AKAP7: variants seen among roughly 807,000 people sequenced by gnomAD.
The protein encoded by AKAP7 is A-kinase anchoring protein 7, also known as A kinase (PRKA) anchor protein 7.
In AKAP7, 39 loss-of-function variants were observed where a neutral mutation model predicts 39.5. The observed-to-expected ratio is 0.99, with a 90% CI of 0.76 to 1.29. The LOEUF is 1.29. Among genes scored for constraint, AKAP7 ranks in the 50% most tolerant of loss-of-function variants. The pLI, the probability that AKAP7 is intolerant of heterozygous loss-of-function variation, is 0.00. For missense variants in AKAP7, 414 were observed against 407.7 expected (o/e 1.02, Z -0.13); for synonymous variants, 140 against 139.1 (o/e 1.01, Z -0.05).
At chr6:131,183,539 GC>G (rs1438631727) in intron 5 of AKAP7, among the ~76,000 whole-genome samples, 1 of 152,102 alleles carries the variant, frequency 6.6e-6, no homozygotes, top group Non-Finnish European at 1.5e-5. Flanking sequence ...TGCTGGCCTG[GC>G]CCCCTGATCC....
chr6:131,211,333 T>C (rs145225709), intron 6 of AKAP7, among the ~76,000 whole-genome samples: 1 of 152,208 alleles, frequency 6.6e-6, no homozygotes, highest in Non-Finnish European at 1.5e-5. Flanking sequence ...TTGGAAAATA[T>C]TCTTTCTTAA....
chr6:131,219,811 G>A lies in AKAP7; in HGVS notation c.850+3G>A. The A allele has an allele frequency of 2.0e-6, 3 of 1,493,508 alleles. No individual in the cohort carries two copies. The highest frequency in any genetic ancestry group is 1.4e-5 in the African/African-American group (1 of 69,270). The allele number at this position is 1,493,508 out of a possible 1,614,324, so 92.5% of individuals were successfully genotyped here. On this transcript the variant is annotated splice_donor_region_variant and intron_variant, in intron 7 of 7. Coordinates refer to ENST00000431975, the MANE Select transcript of AKAP7 (RefSeq NM_016377.4). ...CTGTGAATCTTCCATTGTGATTGGT[G>A]AGTGTCATTTAAAAATTATTTATTA... is the stretch of plus-strand genomic sequence containing the variant.
intron 7 of AKAP7, among the ~76,000 whole-genome samples, chr6:131,241,487 A>T (rs1338774511): frequency 2.6e-5 from 4 of 151,766 alleles, no homozygotes; most frequent in African/African-American, 9.7e-5. Context: ...TGACAAGAAG[A>T]TGATGAGTTC....
intron 2 of AKAP7, among the ~76,000 whole-genome samples, chr6:131,153,002 T>C (rs571274745): frequency 5.9e-5 from 9 of 151,650 alleles, no homozygotes; most frequent in African/African-American, 1.5e-4. Flanking sequence ...TGGTGGCGTG[T>C]GCCTGTAGTC....
chr6:131,126,335 G>A, the AKAP7 span, among the ~76,000 whole-genome samples: 968 of 152,214 alleles, frequency 6.4e-3, 13 homozygotes, highest in African/African-American at 0.022. Flanking sequence ...TCATTTCATG[G>A]GTAATGCTTG....
chr6:131,206,361 A>T (rs1189129574), intron 6 of AKAP7, among the ~76,000 whole-genome samples: 2 of 152,172 alleles, frequency 1.3e-5, no homozygotes, highest in Non-Finnish European at 2.9e-5. Flanking sequence ...AAAAAAATGA[A>T]CTTTGAAAAT....
At chr6:131,204,312 A>T (rs1056510843) in intron 6 of AKAP7, among the ~76,000 whole-genome samples, 9 of 152,236 alleles carry the variant, frequency 5.9e-5, no homozygotes, top group African/African-American at 2.2e-4. Context: ...CAATTATGGT[A>T]AATCATATAA....
At chr6:131,247,231 A>T (rs1406097147) in intron 7 of AKAP7, among the ~76,000 whole-genome samples, 2 of 139,806 alleles carry the variant, frequency 1.4e-5, no homozygotes, top group Admixed American at 1.5e-4. Flanking sequence ...CCCTTCATTC[A>T]TGCAGAATAT....
intron 4 of AKAP7, among the ~76,000 whole-genome samples, chr6:131,168,685 G>A (rs1424082003): frequency 6.6e-6 from 1 of 152,100 alleles, no homozygotes; most frequent in Non-Finnish European, 1.5e-5. Flanking sequence ...TTTTATTAGA[G>A]TGCCTCACAA....
At chr6:131,194,092 C>T (rs550473498) in intron 5 of AKAP7, among the ~76,000 whole-genome samples, 1 of 151,792 alleles carries the variant, frequency 6.6e-6, no homozygotes, top group Non-Finnish European at 1.5e-5. Context: ...GTTGGGTTTG[C>T]TCTTGCTTTT....
intron 5 of AKAP7, chr6:131,184,312 G>T (rs535960962): frequency 3.3e-6 from 2 of 613,030 alleles, no homozygotes; most frequent in Admixed American, 3.8e-5. Flanking sequence ...CGGGGAGCAG[G>T]GGGGTGGCTA....
intron 1 of AKAP7, among the ~76,000 whole-genome samples, chr6:131,139,125 T>A (rs1647257022): frequency 6.6e-6 from 1 of 152,236 alleles, no homozygotes; most frequent in Non-Finnish European, 1.5e-5. Context: ...ATGACTGGTG[T>A]ATTTAATTCA....
At chr6:131,184,610 C>T (rs911117193) in intron 5 of AKAP7, 8 of 742,394 alleles carry the variant, frequency 1.1e-5, no homozygotes, top group South Asian at 1.5e-5. Flanking sequence ...CAGCCACAGT[C>T]GAAACAGGAC....
At chr6:131,242,269 A>G (rs1228384612) in intron 7 of AKAP7, 1 of 875,160 alleles carries the variant, frequency 1.1e-6, no homozygotes, top group Non-Finnish European at 1.4e-6. Context: ...AAAGAACCAT[A>G]GCTGCCAAAT....
intron 7 of AKAP7, among the ~76,000 whole-genome samples, chr6:131,258,862 A>G (rs1335505472): frequency 6.6e-6 from 1 of 152,190 alleles, no homozygotes; most frequent in Non-Finnish European, 1.5e-5. Context: ...TAAACCTATT[A>G]TGTATCTATG....
At chr6:131,252,165 A>G (rs1812497318) in intron 7 of AKAP7, among the ~76,000 whole-genome samples, 1 of 152,240 alleles carries the variant, frequency 6.6e-6, no homozygotes, top group African/African-American at 2.4e-5. Context: ...GTTGAAGAAC[A>G]GTCTTCTGTT....
At chr6:131,172,582 C>T (rs1335741502) in intron 5 of AKAP7, among the ~76,000 whole-genome samples, 1 of 152,132 alleles carries the variant, frequency 6.6e-6, no homozygotes, top group Non-Finnish European at 1.5e-5. Context: ...CCCACCTTAG[C>T]CTCATAAAGT....
intron 5 of AKAP7, among the ~76,000 whole-genome samples, chr6:131,197,070 A>G (rs1222750381): frequency 1.3e-5 from 2 of 151,928 alleles, no homozygotes; most frequent in East Asian, 1.9e-4. Context: ...TCTCTCTTTT[A>G]TATTCCAGAG....
At chr6:131,146,379 G>A (rs1385425499) in intron 2 of AKAP7, among the ~76,000 whole-genome samples, 1 of 152,152 alleles carries the variant, frequency 6.6e-6, no homozygotes, top group South Asian at 2.1e-4. Flanking sequence ...AGGCTGAGAC[G>A]GGAGGATAAC....
Sources: gnomAD v4.1 joint callset for allele counts (sites outside exome capture counted in the v4.1 genomes callset) on GRCh38, gnomAD v4.1.1 for gene constraint, MANE v1.5 for transcripts, NCBI Gene and HGNC (gene_info 2026-07-23, HGNC 2026-07-21) for gene names.